Variants in PPP1CC observed in about 807,000 individuals in gnomAD.
The protein encoded by PPP1CC is protein phosphatase 1 catalytic subunit gamma.
Under a neutral mutation model 38.4 loss-of-function variants are expected in PPP1CC, and 16 were observed. The observed-to-expected ratio is 0.42, with a 90% confidence interval of 0.28 to 0.63. PPP1CC has a LOEUF of 0.63. PPP1CC is among the 30% of genes least tolerant of loss of function. PPP1CC has a pLI of 0.25. For synonymous variants in PPP1CC, 158 were observed against 136.0 expected, an observed-to-expected ratio of 1.16 and a Z score of -1.13; for missense variants, 170 against 391.3, an observed-to-expected ratio of 0.43 and a Z score of 4.77.
chr12:110,722,212 C>T lies in PPP1CC; in HGVS notation c.805G>A (p.Ala269Thr). The change falls in exon 6 of 7, where the codon GCG becomes ACG. Residue 269 changes from alanine to threonine, a missense_variant. By Grantham distance (58) the Ala-to-Thr change is moderately conservative. This residue lies in a region of PPP1CC where 117 missense variants were observed against 344.4 expected (regional missense o/e 0.34). Coordinates refer to ENST00000335007, the MANE Select transcript of PPP1CC (RefSeq NM_002710.4). The surrounding 1 kb of genome is among the most constrained non-coding windows in gnomAD (Gnocchi z 5.4). Reference sequence around the variant, plus strand: ...TCAAACTCTCCGCAATAATTGGGCGCAGAAAACAGAGTGACCAACTGCCTC... The same window carrying T: ...TCAAACTCTCCGCAATAATTGGGCGTAGAAAACAGAGTGACCAACTGCCTC... Reference protein sequence around the residue: ...AKRQLVTLFSAPNYCGEFDNA... With the variant: ...AKRQLVTLFSTPNYCGEFDNA... 2 of 1,614,162 alleles carry T rather than the reference C, an allele frequency of 1.2e-6. No homozygotes were observed. The highest frequency in any genetic ancestry group is 1.7e-6 in the Non-Finnish European group (2 of 1,180,006).
chr12:110,727,545 A>C (rs559798886), intron 3 of PPP1CC, among the ~76,000 whole-genome samples: 1 of 152,170 alleles, frequency 6.6e-6, no homozygotes, highest in East Asian at 1.9e-4. Context: ...CAGCAGAAAC[A>C]GATCAACAAA....
rs1391699210 is a variant in PPP1CC at position 110,721,123 on chromosome 12, G to A, written c.925C>T (p.Pro309Ser). 1 of 1,613,804 alleles carries A rather than the reference G, an allele frequency of 6.2e-7. No individual in the cohort carries two copies. Among genetic ancestry groups the A allele is most frequent in the African/African-American group, 1.3e-5 (1 of 74,922 alleles). ...AEKKKPNATR[P>S]VTPPRGMITK... The stretch of plus-strand genomic sequence containing the variant: ...ATCATACCCCTTGGAGGCGTTACAG[G>A]TCTCGTGGCATTTGGCTTCTTTTTC... Residue 309 changes from proline (P) to serine (S), a missense_variant, in exon 7 of 7, where the codon CCT (proline) becomes TCT (serine). Transcript: ENST00000335007.
At chr12:110,737,477 CAAAAAAAAAAAA>C (rs71083137) in intron 1 of PPP1CC, among the ~76,000 whole-genome samples, 5 of 42,488 alleles carry the variant, frequency 1.2e-4, no homozygotes, top group East Asian at 6.4e-4. Flanking sequence ...AAGAAAGACT[CAAAAAAAAAAAA>C]AAAAAAAAAA....
Position 110,719,931 on chromosome 12 carries a change from C to G in PPP1CC, c.*1145G>C. ...TTAACAAGTTCATCATTTAATAAGT[C>G]TGAATTCATTTTCACCACACGGTAT... On this transcript the variant is annotated 3_prime_UTR_variant, in exon 7 of 7. Transcript: ENST00000335007. 1.9e-6 allele frequency: 1 copy of G among 515,694 alleles called. No homozygotes were observed. Among genetic ancestry groups the G allele is most frequent in the East Asian group, 3.1e-5 (1 of 32,382 alleles). 31.9% of individuals were successfully genotyped at this position (515,694 alleles called of 1,614,324 possible). A position where few individuals can be genotyped will look rare whatever the true frequency, so the allele number is the denominator to read the frequency against.
At chr12:110,716,105 T>C (rs1276084011), downstream of PPP1CC, among the ~76,000 whole-genome samples, 1 of 152,186 alleles carries the variant, frequency 6.6e-6, no homozygotes, top group Non-Finnish European at 1.5e-5. Context: ...TCCTTCTCAA[T>C]TCCTAGACTT....
the PPP1CC span, among the ~76,000 whole-genome samples, chr12:110,714,546 C>G: frequency 6.6e-6 from 1 of 151,908 alleles, no homozygotes; most frequent in South Asian, 2.1e-4. Flanking sequence ...CTTGGGAAGG[C>G]CTGTAATCCC....
downstream of PPP1CC, among the ~76,000 whole-genome samples, chr12:110,719,011 CAAT>C (rs1261867342): frequency 2.6e-5 from 4 of 152,024 alleles, no homozygotes; most frequent in Admixed American, 1.3e-4. Context: ...TACCACACTC[CAAT>C]AATGATATAA....
At chr12:110,734,366 G>A (rs1371754203) in intron 1 of PPP1CC, among the ~76,000 whole-genome samples, 3 of 152,056 alleles carry the variant, frequency 2.0e-5, no homozygotes, top group South Asian at 2.1e-4. Context: ...ATTTAGAGAC[G>A]GAGTTTCACT....
intron 3 of PPP1CC, among the ~76,000 whole-genome samples, chr12:110,727,691 T>C (rs2069816076): frequency 6.6e-6 from 1 of 151,970 alleles, no homozygotes; most frequent in Non-Finnish European, 1.5e-5. Context: ...AATTGTCCCA[T>C]GAAAATCAAC....
downstream of PPP1CC, among the ~76,000 whole-genome samples, chr12:110,715,094 G>A (rs1943777978): frequency 6.6e-6 from 1 of 151,972 alleles, no homozygotes. Flanking sequence ...CAACTGGTGT[G>A]TGGGATGGTC....
At chr12:110,717,026 G>A (rs773059987), downstream of PPP1CC, among the ~76,000 whole-genome samples, 4 of 152,220 alleles carry the variant, frequency 2.6e-5, no homozygotes, top group Non-Finnish European at 5.9e-5. Context: ...GCCTGTGCCT[G>A]GCCCAAGTTT....
At chr12:110,711,439 C>CA in the PPP1CC span, among the ~76,000 whole-genome samples, 79 of 152,008 alleles carry the variant, frequency 5.2e-4, 1 homozygote, top group Admixed American at 9.2e-4. Context: ...GATACAAACA[C>CA]AATGAAGAAA....
intron 3 of PPP1CC, among the ~76,000 whole-genome samples, chr12:110,727,442 TTAGCCAGGGTAATCGCC>T (rs1489762758): frequency 6.6e-6 from 1 of 152,178 alleles, no homozygotes; most frequent in Non-Finnish European, 1.5e-5. Flanking sequence ...CCTGAAAGGT[TTAGCCAGGGTAATCGCC>T]TAGCTTCCAA....
At chr12:110,731,147 T>C (rs2069866826) in intron 2 of PPP1CC, among the ~76,000 whole-genome samples, 1 of 152,056 alleles carries the variant, frequency 6.6e-6, no homozygotes, top group South Asian at 2.1e-4. Flanking sequence ...GCTGCACTTC[T>C]AGTGAGTCTT....
rs191609612 is a variant in PPP1CC, at chr12:110,721,857, T to C, written c.882+278A>G. 35 of 458,874 alleles carry C rather than the reference T, an allele frequency of 7.6e-5. No homozygotes were observed. The Admixed American group carries it at 8.6e-4, about 11-fold the overall frequency. 28.4% of individuals were successfully genotyped at this position (458,874 alleles called of 1,614,324 possible). Reference sequence around the variant, plus strand: ...ATTTTAGCTGAACATTACATTGTCATTAAGGTTTTAGATTTACAGTAAAAG... The same window carrying C: ...ATTTTAGCTGAACATTACATTGTCACTAAGGTTTTAGATTTACAGTAAAAG... On this transcript the variant is annotated intron_variant, in intron 6 of 6. Transcript: ENST00000335007.
At chr12:110,728,002 C>T (rs1381648353) in intron 3 of PPP1CC, among the ~76,000 whole-genome samples, 1 of 152,178 alleles carries the variant, frequency 6.6e-6, no homozygotes, top group Non-Finnish European at 1.5e-5. Flanking sequence ...AGTATCATTA[C>T]ATTAGGATAC....
chr12:110,720,046 T>C lies in PPP1CC; in HGVS notation c.*1030A>G, dbSNP rs3191028. On this transcript the variant is annotated 3_prime_UTR_variant, in exon 7 of 7. Coordinates refer to ENST00000335007, the MANE Select transcript of PPP1CC (RefSeq NM_002710.4). Reference sequence around the variant, plus strand: ...GTACTGTGAGTTCTGTATAAACTGGTGGACAGTAAGTTAGTTCCTTTGTTT... The same window carrying C: ...GTACTGTGAGTTCTGTATAAACTGGCGGACAGTAAGTTAGTTCCTTTGTTT... 6.8e-6 allele frequency: 8 copies of C among 1,182,074 alleles called. No homozygotes were observed. The highest frequency in any genetic ancestry group is 1.5e-5 in the African/African-American group (1 of 65,118). 73.2% of individuals were successfully genotyped at this position (1,182,074 alleles called of 1,614,324 possible).
intron 1 of PPP1CC, among the ~76,000 whole-genome samples, chr12:110,734,326 A>G (rs2069916335): frequency 6.6e-6 from 1 of 152,172 alleles, no homozygotes; most frequent in Non-Finnish European, 1.5e-5. Context: ...CATTAGAATT[A>G]AACATATATT....
At chr12:110,732,135 C>G (rs1375192507) in intron 1 of PPP1CC, 1 of 567,610 alleles carries the variant, frequency 1.8e-6, no homozygotes. Context: ...AAAAAAGGAG[C>G]CATCCTGTCT....
Sources: allele counts gnomAD v4.1 joint callset (sites outside exome capture counted in the v4.1 genomes callset), GRCh38; gene constraint gnomAD v4.1.1; regional missense constraint gnomAD v4.1.1; non-coding constraint Gnocchi (gnomAD v3.1); transcripts MANE v1.5; gene names NCBI Gene and HGNC (gene_info 2026-07-23, HGNC 2026-07-21).